SMIM31: variants seen among roughly 807,000 people sequenced by gnomAD.
The protein encoded by SMIM31 is small integral membrane protein 31, also known as human epithelial cell program regulator.
chr4:164,766,527 G>T (rs545372967), intron 1 of SMIM31, among the ~76,000 whole-genome samples: 1 of 152,200 alleles, frequency 6.6e-6, no homozygotes, highest in East Asian at 1.9e-4. Flanking sequence ...AGCCAGGCAC[G>T]GTGGCTCACG....
Position 164,801,362 on chromosome 4 carries a change from C to A in SMIM31, c.*168C>A. ...TGAACTCAATACTCGGGAAAGGCTT[C>A]ACATTTCTGGGACTCAGCATTATCC... On this transcript the variant is annotated 3_prime_UTR_variant, in exon 3 of 3. Coordinates refer to ENST00000507311, the MANE Select transcript of SMIM31 (RefSeq NM_001352885.1). 1 of 375,774 alleles carries A rather than the reference C, an allele frequency of 2.7e-6. No homozygotes were observed. Among genetic ancestry groups the A allele is most frequent in the Non-Finnish European group, 4.7e-6 (1 of 212,356 alleles). The allele number at this position is 375,774 out of a possible 1,614,324, so 23.3% of individuals were successfully genotyped here. A position where few individuals can be genotyped will look rare whatever the true frequency, so the allele number is the denominator to read the frequency against.
At chr4:164,756,950 C>A (rs556569202) in intron 1 of SMIM31, among the ~76,000 whole-genome samples, 6 of 152,094 alleles carry the variant, frequency 3.9e-5, no homozygotes, top group Non-Finnish European at 8.8e-5. Context: ...AGAAGTGGAA[C>A]TTCTAGGTCA....
chr4:164,781,646 C>A (rs1186691369), intron 2 of SMIM31, among the ~76,000 whole-genome samples: 2 of 152,170 alleles, frequency 1.3e-5, no homozygotes, highest in Admixed American at 6.5e-5. Flanking sequence ...CCATGTTGCA[C>A]TTCCCCAACC....
At chr4:164,754,448 A>T (rs1265513295) in intron 1 of SMIM31, 37 bp downstream of exon 1, 1 of 129,078 alleles carries the variant, frequency 7.7e-6, no homozygotes, top group African/African-American at 2.8e-5. Context: ...ATTTACCTCA[A>T]AACTCTCTCT....
chr4:164,798,224 A>ATTTTTT (rs1370282043), intron 2 of SMIM31, among the ~76,000 whole-genome samples: 8 of 85,728 alleles, frequency 9.3e-5, no homozygotes, highest in African/African-American at 3.2e-4. Flanking sequence ...TGATATAATG[A>ATTTTTT]TTTTTATTTT....
At chr4:164,769,766 C>T (rs1342231924) in intron 1 of SMIM31, among the ~76,000 whole-genome samples, 1 of 151,106 alleles carries the variant, frequency 6.6e-6, no homozygotes, top group African/African-American at 2.4e-5. Flanking sequence ...AACTCCTCTC[C>T]AATCAATCCA....
In SMIM31 at chr4:164,760,994, C is replaced by A. The variant is rs185423205; in HGVS notation, c.-26+6583C>A. Among the ~76,000 whole-genome samples, 4 of 152,288 alleles carry A rather than the reference C, an allele frequency of 2.6e-5. 1 individual carries two copies. In the South Asian group the frequency reaches 6.2e-4, roughly 24 times the overall value. The stretch of plus-strand genomic sequence containing the variant: ...GCATGAGATCTTTGTCCAGTGAAAT[C>A]TCTTAAGTTTCTTGAAGTTTAGAAA... On this transcript the variant is annotated intron_variant, in intron 1 of 2. Coordinates refer to ENST00000507311, the MANE Select transcript of SMIM31 (RefSeq NM_001352885.1).
At chr4:164,788,765 C>T in intron 2 of SMIM31, among the ~76,000 whole-genome samples, 1 of 151,898 alleles carries the variant, frequency 6.6e-6, no homozygotes. Flanking sequence ...GGATTACAGG[C>T]GTGAGCCACC....
chr4:164,764,252 A>G (rs1732689115), intron 1 of SMIM31, among the ~76,000 whole-genome samples: 1 of 152,120 alleles, frequency 6.6e-6, no homozygotes, highest in Admixed American at 6.5e-5. Context: ...CAACCAGACC[A>G]TTGGCAGACC....
At position 164,801,319 on chromosome 4, in the gene SMIM31, G is replaced by A. The variant is rs1020394906; in HGVS notation, c.*125G>A. 9.9e-5 allele frequency: 39 copies of A among 394,576 alleles called. No homozygotes were observed. Among genetic ancestry groups the A allele is most frequent in the African/African-American group, 4.9e-4 (24 of 48,554 alleles). 24.4% of individuals were successfully genotyped at this position (394,576 alleles called of 1,614,324 possible). ...TTAAAATCACTTACTGATTAAACAC[G>A]ATGATAATAACCATTAATGAACTCA... On this transcript the variant is annotated 3_prime_UTR_variant, in exon 3 of 3. Coordinates refer to ENST00000507311, the MANE Select transcript of SMIM31 (RefSeq NM_001352885.1).
At chr4:164,768,246 AAAG>A (rs1732746582) in intron 1 of SMIM31, among the ~76,000 whole-genome samples, 1 of 44,990 alleles carries the variant, frequency 2.2e-5, no homozygotes, top group African/African-American at 5.2e-5. Context: ...AAAAAAAAAA[AAAG>A]AAAAGAAAAG....
intron 1 of SMIM31, among the ~76,000 whole-genome samples, chr4:164,758,197 TAG>T (rs1732592493): frequency 6.6e-6 from 1 of 152,148 alleles, no homozygotes; most frequent in South Asian, 2.1e-4. Flanking sequence ...GGCCAATATA[TAG>T]AAACGCAATT....
At chr4:164,771,443 C>G (rs1011703658) in intron 2 of SMIM31, among the ~76,000 whole-genome samples, 4 of 152,160 alleles carry the variant, frequency 2.6e-5, no homozygotes, top group African/African-American at 4.8e-5. Context: ...TGACGTGGCA[C>G]TTAATAAAAT....
At chr4:164,767,533 T>C (rs1250166368) in intron 1 of SMIM31, among the ~76,000 whole-genome samples, 2 of 152,018 alleles carry the variant, frequency 1.3e-5, no homozygotes, top group Non-Finnish European at 1.5e-5. Flanking sequence ...ATGGAGAAAA[T>C]GTCCAGAGAA....
In SMIM31 at chr4:164,758,823, T is replaced by C. The variant is rs1325898402; in HGVS notation, c.-26+4412T>C. 1.7e-4 allele frequency among the ~76,000 whole-genome samples: 19 copies of C among 112,746 alleles called. 1 individual carries two copies. In the South Asian group the frequency reaches 2.5e-3, roughly 15 times the overall value. The allele number at this position is 112,746 out of a possible 152,430, so 74.0% of individuals were successfully genotyped here. The stretch of plus-strand genomic sequence containing the variant: ...CAAATTTTTTTTTTTTTTTTTTTTT[T>C]TTTTTTTTTTTTTTTTTTGTATTTT... On this transcript the variant is annotated intron_variant, in intron 1 of 2. Coordinates refer to ENST00000507311, the MANE Select transcript of SMIM31 (RefSeq NM_001352885.1).
At chr4:164,791,771 G>A (rs1168501597) in intron 2 of SMIM31, among the ~76,000 whole-genome samples, 2 of 152,078 alleles carry the variant, frequency 1.3e-5, no homozygotes, top group Admixed American at 6.6e-5. Context: ...GAGTGGTGAA[G>A]TCTGGGCTTT....
chr4:164,769,178 A>G (rs955080530), intron 1 of SMIM31, among the ~76,000 whole-genome samples: 2 of 151,864 alleles, frequency 1.3e-5, no homozygotes, highest in Non-Finnish European at 2.9e-5. Flanking sequence ...GCTAAAACTC[A>G]CTCTGAGTTT....
intron 2 of SMIM31, among the ~76,000 whole-genome samples, chr4:164,785,681 C>T (rs1391886556): frequency 1.3e-5 from 2 of 150,646 alleles, no homozygotes; most frequent in Non-Finnish European, 3.0e-5. Flanking sequence ...TAACCTTAAT[C>T]TTATTCAGTG....
rs531784930 is a variant in SMIM31 at position 164,784,428 on chromosome 4, A to G, written c.112+13873A>G. ...ACGTTTTGGATAACGTATTTTTCCT[A>G]ATACAGAAAAAGTCATTTGATGAGT... On this transcript the variant is annotated intron_variant, in intron 2 of 2. Transcript: ENST00000507311. Among the ~76,000 whole-genome samples, 294 of 150,502 alleles carry G rather than the reference A, an allele frequency of 2.0e-3. 2 individuals carry two copies. The highest frequency in any genetic ancestry group is 7.1e-3 in the African/African-American group (287 of 40,524).
Sources: gnomAD v4.1 joint callset for allele counts (sites outside exome capture counted in the v4.1 genomes callset) on GRCh38, gnomAD v4.1.1 for gene constraint, MANE v1.5 for transcripts, NCBI Gene and HGNC (gene_info 2026-07-23, HGNC 2026-07-21) for gene names.